The following ZMIZ1 variants were observed in gnomAD, a reference collection of about 807,000 sequenced individuals.
The protein encoded by ZMIZ1 is zinc finger MIZ domain-containing protein 1.
A neutral mutation model predicts 113.9 loss-of-function variants in ZMIZ1; 17 were observed. The ratio of observed to expected loss-of-function variants is 0.15; its 90% CI spans 0.10 to 0.22. The LOEUF (loss-of-function observed/expected upper bound fraction) is 0.22. Among genes scored for constraint, ZMIZ1 ranks in the 10% least tolerant of loss-of-function variants. The probability of loss-of-function intolerance (pLI) is 1.00; values close to 1 mark genes in which losing one functional copy is unlikely to be tolerated. For synonymous variants in ZMIZ1, 607 were observed against 603.1 expected, an observed-to-expected ratio of 1.01 and a Z score of -0.09; for missense variants, 1,059 against 1,477.8, an observed-to-expected ratio of 0.72 and a Z score of 4.65.
intron 1 of ZMIZ1, among the ~76,000 whole-genome samples, chr10:79,101,318 C>G (rs1055749271): frequency 6.6e-6 from 1 of 152,032 alleles, no homozygotes; most frequent in Non-Finnish European, 1.5e-5. Context: ...GGGGGAAGTT[C>G]CTAGTCTGGA....
chr10:79,113,728 C>CT (rs1342199596), intron 1 of ZMIZ1, among the ~76,000 whole-genome samples: 1 of 152,046 alleles, frequency 6.6e-6, no homozygotes, highest in African/African-American at 2.4e-5. Flanking sequence ...ACAAGAATGA[C>CT]TTTTTTGGTG....
intron 4 of ZMIZ1, among the ~76,000 whole-genome samples, chr10:79,177,209 C>A (rs1846909936): frequency 6.6e-6 from 1 of 152,206 alleles, no homozygotes; most frequent in East Asian, 1.9e-4. Context: ...GCTGGCCTCG[C>A]TCTCAGGAAG....
chr10:79,252,800 C>G (rs910589388), intron 7 of ZMIZ1, among the ~76,000 whole-genome samples: 1 of 152,182 alleles, frequency 6.6e-6, no homozygotes, highest in Admixed American at 6.5e-5. Context: ...CACCTGTGAC[C>G]CTTACTAGGC....
intron 7 of ZMIZ1, among the ~76,000 whole-genome samples, chr10:79,270,121 G>A (rs530126128): frequency 8.5e-5 from 13 of 152,326 alleles, no homozygotes; most frequent in South Asian, 2.1e-4. Context: ...GGGAGGGCAC[G>A]CCTGAGCAAG....
chr10:79,280,705 T>C (rs1852678048), intron 8 of ZMIZ1, among the ~76,000 whole-genome samples: 1 of 151,436 alleles, frequency 6.6e-6, no homozygotes, highest in South Asian at 2.1e-4. Flanking sequence ...TTCTGATGAC[T>C]GCCCTCTTCC....
At chr10:79,281,674 G>T (rs751561452) in intron 8 of ZMIZ1, among the ~76,000 whole-genome samples, 1 of 152,220 alleles carries the variant, frequency 6.6e-6, no homozygotes, top group Non-Finnish European at 1.5e-5. Context: ...TGGAAGACTC[G>T]CTGAGTACTG....
chr10:79,279,240 T>G (rs555057410), intron 8 of ZMIZ1, among the ~76,000 whole-genome samples: 7 of 147,798 alleles, frequency 4.7e-5, no homozygotes, highest in African/African-American at 1.8e-4. Context: ...GCTCCTCACT[T>G]CTCAGACTGG....
rs1471036585 is a variant in ZMIZ1, at chr10:79,122,064, T to C, written c.-227+3040T>C. ...ACAGCAGAGTAGGGTCCTTCTAAGC[T>C]TGTGGCCCTGTGTGACGGCCAGTGA... On this transcript the variant is annotated intron_variant, in intron 2 of 24. Coordinates refer to ENST00000334512, the MANE Select transcript of ZMIZ1 (RefSeq NM_020338.4). Among the ~76,000 whole-genome samples the C allele has an allele frequency of 3.9e-5, 6 of 152,164 alleles. 1 individual carries two copies. The East Asian group carries it at 1.2e-3, about 29-fold the overall frequency.
chr10:79,115,345 C>G (rs899513826), intron 1 of ZMIZ1, among the ~76,000 whole-genome samples: 9 of 152,184 alleles, frequency 5.9e-5, no homozygotes, highest in African/African-American at 2.2e-4. Flanking sequence ...CTCTCCCAGC[C>G]TTGCCACTTT....
intron 9 of ZMIZ1, 144 bp downstream of exon 9, chr10:79,290,033 C>A: frequency 1.2e-6 from 1 of 804,238 alleles, no homozygotes; most frequent in Non-Finnish European, 1.9e-6. Flanking sequence ...GCTGTGGACA[C>A]GTCTCCACCC....
rs886804617 is a variant in ZMIZ1, at chr10:79,137,834, G to C, written c.-226-1848G>C. On this transcript the variant is annotated intron_variant, in intron 2 of 24. Transcript: ENST00000334512. ...GAGGACGGGCCCTCGGCTGGGGGGG[G>C]GGTGCTCCTAGGGTGGGCGCTGTGG... Among the ~76,000 whole-genome samples, 6 of 152,070 alleles carry C rather than the reference G, an allele frequency of 3.9e-5. No individual in the cohort carries two copies. The East Asian group carries it at 5.8e-4, about 15-fold the overall frequency.
In ZMIZ1 at chr10:79,314,333, T is replaced by C. The variant is rs960168631; in HGVS notation, c.*1584T>C. ...TTCCCGGCTGCTGCCTGGGGCCCTT[T>C]CCTGCTCTCCCGTCCGCTGTGGGTG... On this transcript the variant is annotated 3_prime_UTR_variant, in exon 25 of 25. Coordinates refer to ENST00000334512, the MANE Select transcript of ZMIZ1 (RefSeq NM_020338.4). 3 of 445,712 alleles carry C rather than the reference T, an allele frequency of 6.7e-6. No homozygotes were observed. The highest frequency in any genetic ancestry group is 1.4e-5 in the Non-Finnish European group (3 of 220,228). 27.6% of individuals were successfully genotyped at this position (445,712 alleles called of 1,614,324 possible). A position where few individuals can be genotyped will look rare whatever the true frequency, so the allele number is the denominator to read the frequency against.
chr10:79,114,108 C>A (rs1359256668), intron 1 of ZMIZ1, among the ~76,000 whole-genome samples: 2 of 152,190 alleles, frequency 1.3e-5, no homozygotes, highest in Non-Finnish European at 2.9e-5. Context: ...TGGGGTGGCC[C>A]CCTCCATTTC....
At chr10:79,097,424 G>A (rs190323294) in intron 1 of ZMIZ1, among the ~76,000 whole-genome samples, 3 of 152,296 alleles carry the variant, frequency 2.0e-5, no homozygotes, top group East Asian at 1.9e-4. Context: ...AGGGGTCCCC[G>A]GACAAGCCCA....
chr10:79,125,604 A>T lies in ZMIZ1; in HGVS notation c.-227+6580A>T, dbSNP rs543533900. Among the ~76,000 whole-genome samples, 5 of 152,350 alleles carry T rather than the reference A, an allele frequency of 3.3e-5. No homozygotes were observed. The East Asian group carries it at 7.7e-4, about 23-fold the overall frequency. On this transcript the variant is annotated intron_variant, in intron 2 of 24. Transcript: ENST00000334512. ...GGTTCATGAGCCACACACCCAGGCC[A>T]CACATTGGGGCAGAGGACAGCCTTG... is the stretch of plus-strand genomic sequence containing the variant.
At chr10:79,132,033 C>T (rs2132376329) in intron 2 of ZMIZ1, among the ~76,000 whole-genome samples, 1 of 152,302 alleles carries the variant, frequency 6.6e-6, no homozygotes, top group African/African-American at 2.4e-5. Flanking sequence ...GAGCTGTCTG[C>T]ACTGGGGAGT....
Position 79,197,002 on chromosome 10 carries a change from G to A in ZMIZ1, c.-49-4582G>A, listed in dbSNP as rs544291179. Among the ~76,000 whole-genome samples, 3 of 152,320 alleles carry A rather than the reference G, an allele frequency of 2.0e-5. No homozygotes were observed. In the South Asian group the frequency reaches 6.2e-4, roughly 32 times the overall value. ...CACCTGGAACCTCCACAGTGTGCAG[G>A]TCTGGCCCCCAGGTCACTTAGGTTT... On this transcript the variant is annotated intron_variant, in intron 4 of 24. Transcript: ENST00000334512.
At chr10:79,089,448 T>G (rs1237436366) in intron 1 of ZMIZ1, among the ~76,000 whole-genome samples, 1 of 152,220 alleles carries the variant, frequency 6.6e-6, no homozygotes, top group Non-Finnish European at 1.5e-5. Context: ...TGCTCTAGTT[T>G]GGTTTTGGTC....
At position 79,147,716 on chromosome 10, in the gene ZMIZ1, C is replaced by T. The variant is rs149936021; in HGVS notation, c.-131+7939C>T. 1.8e-3 allele frequency among the ~76,000 whole-genome samples: 281 copies of T among 152,332 alleles called. 1 individual carries two copies. The highest frequency in any genetic ancestry group is 0.018 in the East Asian group (92 of 5,186). On this transcript the variant is annotated intron_variant, in intron 3 of 24. Coordinates refer to ENST00000334512, the MANE Select transcript of ZMIZ1 (RefSeq NM_020338.4). ...CACTGCCATTCCAGGAGGATGCAAC[C>T]CCTACATTGTTGCAGGGCTCAGGAA...
Sources: allele counts gnomAD v4.1 joint callset (sites outside exome capture counted in the v4.1 genomes callset), GRCh38; gene constraint gnomAD v4.1.1; transcripts MANE v1.5; gene names NCBI Gene and HGNC (gene_info 2026-07-23, HGNC 2026-07-21).